NGEF: variants seen among roughly 807,000 people sequenced by gnomAD.
NGEF encodes ephexin-1.
NGEF carries 31 observed loss-of-function variants against 80.9 expected under a neutral mutation model. The observed-to-expected ratio is 0.38, with a 90% CI of 0.29 to 0.52. The LOEUF is 0.52. Ranked by LOEUF, NGEF falls within the 20% of genes least tolerant of loss-of-function variation. The pLI is 0.84. For synonymous variants in NGEF, 371 were observed against 370.2 expected, an observed-to-expected ratio of 1.00 and a Z score of -0.03; for missense variants, 709 against 926.2, an observed-to-expected ratio of 0.77 and a Z score of 3.04.
At chr2:232,906,104 G>T (rs188020433) in intron 5 of NGEF, among the ~76,000 whole-genome samples, 19,369 of 92,594 alleles carry the variant, frequency 0.21, 3,298 homozygotes, top group Non-Finnish European at 0.3. Flanking sequence ...CAGCCGTCCC[G>T]TCTGGGAGGG....
chr2:232,919,323 A>G (rs143675720), intron 5 of NGEF, among the ~76,000 whole-genome samples: 54 of 152,210 alleles, frequency 3.5e-4, no homozygotes, highest in African/African-American at 1.3e-3. Context: ...AAACAAGGAC[A>G]AGGATGGGCT....
chr2:232,956,502 T>C (rs1217644763), intron 3 of NGEF, among the ~76,000 whole-genome samples: 1 of 152,124 alleles, frequency 6.6e-6, no homozygotes, highest in Non-Finnish European at 1.5e-5. Context: ...GCACAGTGGC[T>C]CACACCTGTA....
chr2:232,962,604 A>T (rs1693976834), intron 3 of NGEF, among the ~76,000 whole-genome samples: 1 of 151,988 alleles, frequency 6.6e-6, no homozygotes, highest in Admixed American at 6.5e-5. Flanking sequence ...TGAACATGCA[A>T]AAATTAATTT....
At chr2:232,973,628 G>A (rs1694237518) in intron 2 of NGEF, among the ~76,000 whole-genome samples, 1 of 152,174 alleles carries the variant, frequency 6.6e-6, no homozygotes, top group South Asian at 2.1e-4. Context: ...GAGAGACCAC[G>A]TGGAGCAGAG....
intron 1 of NGEF, among the ~76,000 whole-genome samples, chr2:232,988,036 C>CCTGTGTGT (rs1553558805): frequency 0.054 from 7,581 of 140,240 alleles, 429 homozygotes; most frequent in South Asian, 0.11. Flanking sequence ...GGGATGGTCT[C>CCTGTGTGT]GTGTGTGTGT....
At chr2:232,926,230 T>G (rs553744166) in intron 4 of NGEF, among the ~76,000 whole-genome samples, 2 of 152,196 alleles carry the variant, frequency 1.3e-5, no homozygotes, top group Admixed American at 1.3e-4. Context: ...CTGACAACAA[T>G]GAAGAACGAA....
intron 1 of NGEF, among the ~76,000 whole-genome samples, chr2:232,978,026 G>A (rs1178836936): frequency 6.6e-6 from 1 of 152,104 alleles, no homozygotes; most frequent in Non-Finnish European, 1.5e-5. Flanking sequence ...GCGGTGTTGG[G>A]TTGAGGAATC....
At chr2:232,928,321 G>T (rs1434355044) in intron 3 of NGEF, among the ~76,000 whole-genome samples, 1 of 149,944 alleles carries the variant, frequency 6.7e-6, no homozygotes, top group Non-Finnish European at 1.5e-5. Context: ...GCCTGCCGCG[G>T]GCTCGCGCCT....
At chr2:232,896,303 A>G (rs1692057093) in intron 5 of NGEF, among the ~76,000 whole-genome samples, 1 of 152,146 alleles carries the variant, frequency 6.6e-6, no homozygotes, top group African/African-American at 2.4e-5. Context: ...TAATAATGTG[A>G]CACAGACACA....
At chr2:232,909,965 G>A (rs1692658066) in intron 5 of NGEF, among the ~76,000 whole-genome samples, 1 of 152,182 alleles carries the variant, frequency 6.6e-6, no homozygotes, top group East Asian at 1.9e-4. Flanking sequence ...TTATTGCATG[G>A]TACACACCAC....
At position 232,975,605 on chromosome 2, in the gene NGEF, G is replaced by A. The variant is rs969823616; in HGVS notation, c.-74-641C>T. On this transcript the variant is annotated intron_variant, in intron 1 of 14. Transcript: ENST00000264051. Reference sequence around the variant, plus strand: ...TGACCATATAGCATATCATCTGAACGAGGACACTTTTCATAGGAAAAGGGG... The same window carrying A: ...TGACCATATAGCATATCATCTGAACAAGGACACTTTTCATAGGAAAAGGGG... Among the ~76,000 whole-genome samples the A allele has an allele frequency of 9.2e-5, 14 of 152,136 alleles. 1 individual carries two copies. Among genetic ancestry groups the A allele is most frequent in the East Asian group, 1.9e-4 (1 of 5,194 alleles).
chr2:232,923,934 C>G (rs187885687), intron 4 of NGEF, among the ~76,000 whole-genome samples: 14 of 151,964 alleles, frequency 9.2e-5, no homozygotes, highest in Admixed American at 9.2e-4. Flanking sequence ...TCATGCCTTC[C>G]CTTATAAAAG....
chr2:233,004,402 C>T (rs1052210758), intron 1 of NGEF, among the ~76,000 whole-genome samples: 3 of 152,202 alleles, frequency 2.0e-5, no homozygotes, highest in African/African-American at 4.8e-5. Context: ...CCTTCCCCAT[C>T]CCCTGGTCGC....
At chr2:232,983,699 C>T (rs1694482421) in intron 1 of NGEF, among the ~76,000 whole-genome samples, 1 of 152,178 alleles carries the variant, frequency 6.6e-6, no homozygotes, top group Non-Finnish European at 1.5e-5. Flanking sequence ...GCCCACTGTG[C>T]CCCGGTCTCG....
chr2:232,989,705 T>A (rs376943350), intron 1 of NGEF, among the ~76,000 whole-genome samples: 7 of 152,318 alleles, frequency 4.6e-5, no homozygotes, highest in East Asian at 3.9e-4. Context: ...GTTTTATATG[T>A]ATACTTTCAA....
intron 3 of NGEF, among the ~76,000 whole-genome samples, chr2:232,938,377 C>G (rs1372915386): frequency 6.6e-6 from 1 of 152,114 alleles, no homozygotes; most frequent in Non-Finnish European, 1.5e-5. Flanking sequence ...TTGCCTAAAA[C>G]AGGCTGCCCC....
At position 233,005,551 on chromosome 2, in the gene NGEF, G is replaced by A. The variant is rs554759051; in HGVS notation, c.-75+7517C>T. Among the ~76,000 whole-genome samples, 14 of 149,646 alleles carry A rather than the reference G, an allele frequency of 9.4e-5. No individual in the cohort carries two copies. In the South Asian group the frequency reaches 2.5e-3, roughly 27 times the overall value. On this transcript the variant is annotated intron_variant, in intron 1 of 14. Transcript: ENST00000264051. Reference sequence around the variant, plus strand: ...ATCCCAGATTACTCAGGTGGATGCAGTATATTCACAAGGCTCCTTATAAGA... The same window carrying A: ...ATCCCAGATTACTCAGGTGGATGCAATATATTCACAAGGCTCCTTATAAGA...
At chr2:232,900,022 GTTCACTCACA>G (rs1200472054) in intron 5 of NGEF, among the ~76,000 whole-genome samples, 1 of 115,278 alleles carries the variant, frequency 8.7e-6, no homozygotes, top group African/African-American at 3.6e-5. Context: ...TCATATACAC[GTTCACTCACA>G]TTCACTCACA....
At chr2:232,945,780 T>C in intron 3 of NGEF, among the ~76,000 whole-genome samples, 1 of 152,214 alleles carries the variant, frequency 6.6e-6, no homozygotes. Flanking sequence ...ATAGATTTAC[T>C]GTTGATTATG....
Sources: gnomAD v4.1 joint callset for allele counts (sites outside exome capture counted in the v4.1 genomes callset) on GRCh38, gnomAD v4.1.1 for gene constraint, MANE v1.5 for transcripts, NCBI Gene and HGNC (gene_info 2026-07-23, HGNC 2026-07-21) for gene names.